Variants in TMEM114 observed in about 807,000 individuals in gnomAD.
TMEM114 encodes transmembrane protein 114.
A neutral mutation model predicts 6.2 loss-of-function variants in TMEM114; 6 were observed. The ratio of observed to expected loss-of-function variants is 0.97; its 90% CI spans 0.53 to 1.91. TMEM114 has a LOEUF of 1.91. Among genes scored for constraint, TMEM114 ranks in the 40% most tolerant of loss-of-function variants. The pLI, the probability that TMEM114 is intolerant of heterozygous loss-of-function variation, is 0.01. For missense variants in TMEM114, 218 were observed against 158.3 expected (o/e 1.38, Z -2.02); for synonymous variants, 104 against 73.0 (o/e 1.42, Z -2.16).
At chr16:8,558,560 G>T (rs866644404) in intron 2 of TMEM114, among the ~76,000 whole-genome samples, 1 of 152,152 alleles carries the variant, frequency 6.6e-6, no homozygotes, top group Non-Finnish European at 1.5e-5. Flanking sequence ...TCCTAAGTAA[G>T]GTCACATTTA....
chr16:8,540,441 A>G (rs563471767), intron 2 of TMEM114, among the ~76,000 whole-genome samples: 1 of 152,330 alleles, frequency 6.6e-6, no homozygotes, highest in South Asian at 2.1e-4. Flanking sequence ...TCAGATTGTC[A>G]TAAGTGTTCA....
At chr16:8,573,393 G>T (rs981761284) in intron 2 of TMEM114, among the ~76,000 whole-genome samples, 5 of 152,122 alleles carry the variant, frequency 3.3e-5, no homozygotes, top group African/African-American at 1.2e-4. Context: ...AACAGTCAAA[G>T]ATAAATAATA....
the TMEM114 span, among the ~76,000 whole-genome samples, chr16:8,527,355 G>C: frequency 6.6e-6 from 1 of 152,168 alleles, no homozygotes; most frequent in African/African-American, 2.4e-5. Context: ...TGGTGTCAGG[G>C]ACACCCAAAT....
At chr16:8,589,532 C>T (rs1239927803) in intron 1 of TMEM114, 87 bp downstream of exon 1, 5 of 398,272 alleles carry the variant, frequency 1.3e-5, no homozygotes, top group Non-Finnish European at 2.2e-5. Context: ...GGGAGGAGTG[C>T]GCGCCAAGCA....
the TMEM114 span, among the ~76,000 whole-genome samples, chr16:8,529,144 C>G: frequency 6.6e-6 from 1 of 152,136 alleles, no homozygotes. Context: ...GGGTGAGAAG[C>G]AAGGATGACC....
chr16:8,553,415 G>C (rs1900906512), intron 2 of TMEM114, among the ~76,000 whole-genome samples: 1 of 152,158 alleles, frequency 6.6e-6, no homozygotes, highest in African/African-American at 2.4e-5. Flanking sequence ...TTTTTTTGGG[G>C]GGACTGAGTC....
intron 2 of TMEM114, among the ~76,000 whole-genome samples, chr16:8,557,548 A>G (rs1901053574): frequency 6.6e-6 from 1 of 152,180 alleles, no homozygotes; most frequent in Admixed American, 6.5e-5. Flanking sequence ...GCAATATACA[A>G]GGGTCACTAG....
intron 2 of TMEM114, among the ~76,000 whole-genome samples, chr16:8,546,017 A>T (rs916620690): frequency 2.0e-5 from 3 of 152,176 alleles, no homozygotes; most frequent in Non-Finnish European, 4.4e-5. Context: ...TTGGAGGCTG[A>T]GGCGGGAGGA....
chr16:8,537,505 A>C (rs1472833264), downstream of TMEM114: 1 of 148,006 alleles, frequency 6.8e-6, no homozygotes, highest in African/African-American at 2.6e-5. Context: ...CATCTCAAAA[A>C]CAAACAAACA....
intron 2 of TMEM114, among the ~76,000 whole-genome samples, chr16:8,582,777 C>A (rs1484233700): frequency 6.6e-6 from 1 of 152,192 alleles, no homozygotes; most frequent in Non-Finnish European, 1.5e-5. Flanking sequence ...GTGGTCCCAG[C>A]TACTCAGAAG....
chr16:8,563,949 ATGAG>A (rs1211842215), intron 2 of TMEM114, among the ~76,000 whole-genome samples: 1 of 124,156 alleles, frequency 8.1e-6, no homozygotes, highest in Non-Finnish European at 1.7e-5. Context: ...GAGTAAGTAA[ATGAG>A]TGAGTGAATG....
intron 2 of TMEM114, among the ~76,000 whole-genome samples, chr16:8,580,316 G>A (rs985430696): frequency 1.1e-4 from 16 of 152,090 alleles, no homozygotes; most frequent in South Asian, 2.1e-4. Context: ...GCGAAAACCC[G>A]TCTCTACTAA....
chr16:8,533,407 G>A (rs972221842), downstream of TMEM114, among the ~76,000 whole-genome samples: 1 of 152,208 alleles, frequency 6.6e-6, no homozygotes, highest in Non-Finnish European at 1.5e-5. Context: ...GTTCATGGAA[G>A]ATGGGCCAAG....
At chr16:8,569,456 A>G, downstream of TMEM114, 1 of 1,179,096 alleles carries the variant, frequency 8.5e-7, no homozygotes, top group Non-Finnish European at 1.1e-6. Flanking sequence ...GAGGAAATGA[A>G]GTCGGAGGGG....
intron 2 of TMEM114, among the ~76,000 whole-genome samples, chr16:8,541,935 G>A (rs532666816): frequency 4.3e-4 from 66 of 152,264 alleles, no homozygotes; most frequent in African/African-American, 1.5e-3. Context: ...AGAACAAAGG[G>A]CTTAGAGAGA....
chr16:8,577,379 C>T (rs1310031869), intron 2 of TMEM114, among the ~76,000 whole-genome samples: 1 of 152,142 alleles, frequency 6.6e-6, no homozygotes, highest in Non-Finnish European at 1.5e-5. Context: ...TCTGTCATTC[C>T]CTGTTGATGT....
At chr16:8,554,277 C>T (rs533617538) in intron 2 of TMEM114, among the ~76,000 whole-genome samples, 18 of 151,992 alleles carry the variant, frequency 1.2e-4, no homozygotes, top group Non-Finnish European at 1.5e-4. Flanking sequence ...GGGGTAGGGG[C>T]GGACAGAGTG....
chr16:8,527,063 C>T, the TMEM114 span, among the ~76,000 whole-genome samples: 221 of 152,278 alleles, frequency 1.5e-3, 1 homozygote, highest in African/African-American at 5.0e-3. Flanking sequence ...GCAAAATTAG[C>T]CCAGTATGGT....
At chr16:8,588,476 G>A (rs1036768074) in intron 2 of TMEM114, among the ~76,000 whole-genome samples, 3 of 152,106 alleles carry the variant, frequency 2.0e-5, no homozygotes, top group Non-Finnish European at 2.9e-5. Context: ...AAAGCAGTTC[G>A]CTCCACGTCT....
Sources: gnomAD v4.1 joint callset for allele counts (sites outside exome capture counted in the v4.1 genomes callset) on GRCh38, gnomAD v4.1.1 for gene constraint, MANE v1.5 for transcripts, NCBI Gene and HGNC (gene_info 2026-07-23, HGNC 2026-07-21) for gene names.